The following ATP2B3 variants were observed in gnomAD, a reference collection of about 807,000 sequenced individuals.
ATP2B3 encodes plasma membrane calcium-transporting ATPase 3.
ATP2B3 carries 12 observed loss-of-function variants against 70.8 expected under a neutral mutation model. That is an observed-to-expected ratio of 0.17 (90% CI 0.11 to 0.27). ATP2B3 has a LOEUF of 0.27. ATP2B3 is among the 10% of genes least tolerant of loss of function. The pLI, the probability that ATP2B3 is intolerant of heterozygous loss-of-function variation, is 1.00. For synonymous variants in ATP2B3, 460 were observed against 497.8 expected (o/e 0.92, Z 1.01); for missense variants, 858 against 1,118.5 (o/e 0.77, Z 3.32).
chrX:153,548,681 T>C lies in ATP2B3; in HGVS notation c.1165T>C (p.Tyr389His). 8.3e-7 allele frequency: 1 copy of C among 1,211,637 alleles called. No individual in the cohort carries two copies. Among genetic ancestry groups the C allele is most frequent in the Non-Finnish European group, 1.1e-6 (1 of 895,497 alleles). ...CATCACCGTCATCATCCTGGTCCTC[T>C]ACTTTGTGATTGAGACGTTTGTCGT... Reference protein sequence around the residue: ...SAITVIILVLYFVIETFVVEG... With the variant: ...SAITVIILVLHFVIETFVVEG... The change falls in exon 10 of 22, where the codon TAC becomes CAC. Residue 389 changes from tyrosine (Y) to histidine (H), a missense_variant. By Grantham distance (83) the Tyr-to-His change is moderately conservative. Transcript: ENST00000263519.
In ATP2B3 at chrX:153,580,781, CA is replaced by C. The variant is rs782250982; in HGVS notation, c.*498del. The C allele has an allele frequency of 1.5e-3, 136 of 93,294 alleles. No individual in the cohort carries two copies. The highest frequency in any genetic ancestry group is 3.1e-3 in the African/African-American group (78 of 25,242). 7.7% of individuals were successfully genotyped at this position (93,294 alleles called of 1,213,427 possible). On this transcript the variant is annotated 3_prime_UTR_variant, in exon 22 of 22. Transcript: ENST00000263519. ...GGGCAATCAGATCAGCATCTTCATG[CA>C]AAAAAAAAAAAAAAGTTGAGTGCTC...
In ATP2B3 at chrX:153,560,060, T is replaced by C. The variant is rs1363184890; in HGVS notation, c.2839+118T>C. The C allele has an allele frequency of 6.6e-6, 5 of 757,907 alleles. No homozygotes were observed. The African/African-American group carries it at 1.1e-4, about 16-fold the overall frequency. The allele number at this position is 757,907 out of a possible 1,213,427, so 62.5% of individuals were successfully genotyped here. The stretch of plus-strand genomic sequence containing the variant: ...CCGCACCCAGTACGGGGTGGGACGC[T>C]GCACTTCCTGACTGGACAGCACACA... On this transcript the variant is annotated intron_variant, in intron 18 of 21. Transcript: ENST00000263519.
At chrX:153,527,193 G>A (rs1557000154) in intron 2 of ATP2B3, among the ~76,000 whole-genome samples, 1 of 112,864 alleles carries the variant, frequency 8.9e-6, no homozygotes, top group Non-Finnish European at 1.9e-5. Context: ...GAGCCGGGCC[G>A]ACTTGGGGCA....
intron 13 of ATP2B3, 63 bp from the exon 14 acceptor site, chrX:153,555,986 A>G: frequency 8.5e-7 from 1 of 1,171,107 alleles, no homozygotes; most frequent in Admixed American, 2.2e-5. Flanking sequence ...AGGAAGGGGT[A>G]CTGCCTCAAC....
At chrX:153,548,996 G>C in intron 10 of ATP2B3, 142 bp downstream of exon 10, 1 of 593,720 alleles carries the variant, frequency 1.7e-6, no homozygotes, top group African/African-American at 2.3e-5. Context: ...AGGGACCCAG[G>C]GGGCAGCTTT....
Position 153,536,129 on chromosome X carries a change from C to T in ATP2B3, c.-119C>T, listed in dbSNP as rs782251252. The T allele has an allele frequency of 4.8e-5, 40 of 829,481 alleles. No homozygotes were observed. In the East Asian group the frequency reaches 7.5e-4, roughly 16 times the overall value. 68.4% of individuals were successfully genotyped at this position (829,481 alleles called of 1,213,427 possible). A position where few individuals can be genotyped will look rare whatever the true frequency, so the allele number is the denominator to read the frequency against. On this transcript the variant is annotated 5_prime_UTR_variant, in exon 3 of 22. In the 5' UTR this introduces an upstream ATG that the reference lacks. Coordinates refer to ENST00000263519, the MANE Select transcript of ATP2B3 (RefSeq NM_001001344.3). ...TCGCCTCCATCTCCCCAGGTGTCCA[C>T]GCTTAGCAGCTTTCTCACCGCCGCC... is the stretch of plus-strand genomic sequence containing the variant.
rs185264498 is a variant in ATP2B3 at position 153,555,903 on chromosome X, T to A, written c.2059-146T>A. On this transcript the variant is annotated intron_variant, in intron 13 of 21. Coordinates refer to ENST00000263519, the MANE Select transcript of ATP2B3 (RefSeq NM_001001344.3). ...TTGCCCAACTGTAGGCTAACACAAG[T>A]GTTCTGAGCACGTGAATCGGATGGC... The A allele has an allele frequency of 8.0e-6, 5 of 623,186 alleles. No individual in the cohort carries two copies. In the Admixed American group the frequency reaches 1.4e-4, roughly 18 times the overall value. 51.4% of individuals were successfully genotyped at this position (623,186 alleles called of 1,213,427 possible). A position where few individuals can be genotyped will look rare whatever the true frequency, so the allele number is the denominator to read the frequency against.
chrX:153,518,695 G>A (rs2089912972), intron 2 of ATP2B3, among the ~76,000 whole-genome samples, 144 bp downstream of exon 2: 1 of 111,245 alleles, frequency 9.0e-6, no homozygotes, highest in Admixed American at 9.5e-5. Flanking sequence ...TGGCGCCGGG[G>A]CAGGTCAGGA....
chrX:153,536,064 G>A (rs963935302), intron 2 of ATP2B3, 58 bp from the exon 3 acceptor site: 7 of 479,402 alleles, frequency 1.5e-5, no homozygotes, highest in Non-Finnish European at 2.2e-5. Flanking sequence ...TCTGGAAGAT[G>A]GGACCTCAGT....
At chrX:153,529,586 C>G (rs1349776343) in intron 2 of ATP2B3, among the ~76,000 whole-genome samples, 1 of 111,958 alleles carries the variant, frequency 8.9e-6, no homozygotes, top group Non-Finnish European at 1.9e-5. Flanking sequence ...AAATGTACCA[C>G]GTTCACCATT....
At chrX:153,546,506 G>A (rs909028678) in intron 8 of ATP2B3, among the ~76,000 whole-genome samples, 9 of 113,209 alleles carry the variant, frequency 7.9e-5, no homozygotes, top group African/African-American at 2.9e-4. Context: ...TGTTTCCCAG[G>A]CCAGCTTCCT....
intron 21 of ATP2B3, among the ~76,000 whole-genome samples, chrX:153,567,393 C>T (rs183727226): frequency 1.9e-4 from 21 of 113,483 alleles, no homozygotes; most frequent in Non-Finnish European, 3.2e-4. Flanking sequence ...CAGATGGGCT[C>T]TTATCTATCG....
rs1557013644 is a variant in ATP2B3, at chrX:153,556,393, C to T, written c.2301C>T (p.Pro767=). ...TGAGGGTGCTGGCCCGGTCGTCTCC[C>T]ACCGACAAGCACACACTGGTCAAAG... ...PKLRVLARSS[P]TDKHTLVKGI... is the part of the protein sequence containing the mutation. The change falls in exon 15 of 22, where the codon CCC becomes CCT. Residue 767 remains proline (P), a synonymous_variant. Coordinates refer to ENST00000263519, the MANE Select transcript of ATP2B3 (RefSeq NM_001001344.3). The T allele has an allele frequency of 8.3e-7, 1 of 1,205,820 alleles. No homozygotes were observed. Among genetic ancestry groups the T allele is most frequent in the South Asian group, 1.8e-5 (1 of 55,487 alleles).
chrX:153,576,118 A>G (rs1557021324), intron 21 of ATP2B3, among the ~76,000 whole-genome samples: 1 of 111,775 alleles, frequency 8.9e-6, no homozygotes, highest in African/African-American at 3.3e-5. Flanking sequence ...ATTTCCACAC[A>G]GTCAGGACAC....
chrX:153,543,297 C>T, intron 7 of ATP2B3, 129 bp downstream of exon 7: 2 of 940,784 alleles, frequency 2.1e-6, no homozygotes, highest in Non-Finnish European at 2.8e-6. Flanking sequence ...AGGCCGGGCC[C>T]TCTCTTTTGA....
At chrX:153,543,291 C>T (rs2090315238) in intron 7 of ATP2B3, 123 bp downstream of exon 7, 5 of 958,904 alleles carry the variant, frequency 5.2e-6, no homozygotes, top group Non-Finnish European at 2.8e-6. Flanking sequence ...GGTGGGAGGC[C>T]GGGCCCTCTC....
In ATP2B3 at chrX:153,580,160, G is replaced by GC. The variant is rs2090905842; in HGVS notation, c.3530dup (p.Ser1178ValfsTer115). 3 of 1,055,990 alleles carry GC rather than the reference G, an allele frequency of 2.8e-6. No individual in the cohort carries two copies. Among genetic ancestry groups the GC allele is most frequent in the Non-Finnish European group, 3.7e-6 (3 of 811,826 alleles). 87.0% of individuals were successfully genotyped at this position (1,055,990 alleles called of 1,213,427 possible). On this transcript the variant is annotated frameshift_variant, in exon 22 of 22. Transcript: ENST00000263519. LOFTEE classifies it high-confidence loss of function. ...ACGAGGAGCGCCTCCGGGCCCCCCC[G>GC]CCCCCGTCCCCCAACCAGAACAACA...
intron 2 of ATP2B3, among the ~76,000 whole-genome samples, chrX:153,534,696 G>A (rs782031970): frequency 8.8e-6 from 1 of 113,200 alleles, no homozygotes; most frequent in Admixed American, 9.2e-5. Context: ...GAGAGAGGAC[G>A]GCACAGGCAC....
intron 3 of ATP2B3, among the ~76,000 whole-genome samples, chrX:153,536,723 T>C (rs1338406930): frequency 9.0e-6 from 1 of 111,730 alleles, no homozygotes; most frequent in African/African-American, 3.3e-5. Context: ...ACAGGCGGAA[T>C]GGGCCCCAAA....
Sources: gnomAD v4.1 joint callset for allele counts (sites outside exome capture counted in the v4.1 genomes callset) on GRCh38, gnomAD v4.1.1 for gene constraint, MANE v1.5 for transcripts, NCBI Gene and HGNC (gene_info 2026-07-23, HGNC 2026-07-21) for gene names.